CFAP44: variants seen among roughly 807,000 people sequenced by gnomAD.
CFAP44 encodes cilia- and flagella-associated protein 44.
In CFAP44, 134 loss-of-function variants were observed where a neutral mutation model predicts 216.2. The ratio of observed to expected loss-of-function variants is 0.62; its 90% CI spans 0.54 to 0.72. The LOEUF is 0.72. Ranked by LOEUF, CFAP44 falls within the 30% of genes least tolerant of loss-of-function variation. The probability of loss-of-function intolerance (pLI) is 0.00; values close to 1 mark genes in which losing one functional copy is unlikely to be tolerated. For missense variants in CFAP44, 2,035 were observed against 2,182.1 expected, an observed-to-expected ratio of 0.93 and a Z score of 1.34; for synonymous variants, 700 against 727.6, an observed-to-expected ratio of 0.96 and a Z score of 0.61.
intron 21 of CFAP44, chr3:113,362,744 C>T (rs772551484): frequency 7.5e-5 from 26 of 347,430 alleles, no homozygotes; most frequent in Non-Finnish European, 1.2e-4. Context: ...AAGATCAAAT[C>T]GGGATGACGT....
At chr3:113,294,632 A>G in intron 34 of CFAP44, 55 bp downstream of exon 34, 1 of 1,471,776 alleles carries the variant, frequency 6.8e-7, no homozygotes, top group South Asian at 1.4e-5. Context: ...GTGAATAGCT[A>G]CCTTTGACAG....
At chr3:113,311,805 T>C (rs951194652) in intron 28 of CFAP44, among the ~76,000 whole-genome samples, 1 of 152,124 alleles carries the variant, frequency 6.6e-6, no homozygotes, top group Non-Finnish European at 1.5e-5. Flanking sequence ...AAAAGTCTGA[T>C]AGTGATATGG....
intron 5 of CFAP44, chr3:113,417,339 G>C (rs1934676461): frequency 6.6e-6 from 1 of 152,130 alleles, no homozygotes; most frequent in African/African-American, 2.4e-5. Flanking sequence ...CAGTAAGTAT[G>C]CCCTGGATAA....
intron 32 of CFAP44, among the ~76,000 whole-genome samples, chr3:113,299,409 A>G (rs1190333965): frequency 6.6e-6 from 1 of 152,234 alleles, no homozygotes; most frequent in African/African-American, 2.4e-5. Context: ...AAAGACAGAC[A>G]GTAACAAATG....
intron 34 of CFAP44, among the ~76,000 whole-genome samples, chr3:113,292,020 C>T (rs1949834302): frequency 6.6e-6 from 1 of 152,192 alleles, no homozygotes; most frequent in African/African-American, 2.4e-5. Context: ...AAGAGCTCAT[C>T]ACTGGAATAA....
At chr3:113,368,189 T>C (rs1221733646) in intron 18 of CFAP44, among the ~76,000 whole-genome samples, 2 of 152,074 alleles carry the variant, frequency 1.3e-5, no homozygotes, top group Admixed American at 1.3e-4. Flanking sequence ...CAGGAGAACT[T>C]CCCCAACCTA....
intron 28 of CFAP44, 24 bp downstream of exon 28, chr3:113,326,421 C>T (rs371341542): frequency 6.4e-5 from 94 of 1,470,994 alleles, no homozygotes; most frequent in Non-Finnish European, 8.0e-5. Context: ...AAAATAAGAT[C>T]ATATGCAAGA....
chr3:113,291,797 A>C, intron 34 of CFAP44, 49 bp from the exon 35 acceptor site: 1 of 1,527,346 alleles, frequency 6.5e-7, no homozygotes, highest in Admixed American at 2.0e-5. Flanking sequence ...GGCATGTGAA[A>C]AACTCCATGC....
In CFAP44 at chr3:113,338,563, C is replaced by A. The variant is rs551119882; in HGVS notation, c.3437+3181G>T. ...CCTCATACCAGATTTTTTTTTTAAT[C>A]CCCAAATCTCTCTGCTGCTTGCAGA... On this transcript the variant is annotated intron_variant, in intron 24 of 34. Transcript: ENST00000393845. 7.3e-4 allele frequency among the ~76,000 whole-genome samples: 110 copies of A among 151,638 alleles called. 1 individual carries two copies. The highest frequency in any genetic ancestry group is 2.4e-3 in the African/African-American group (100 of 41,356).
chr3:113,373,432 G>T lies in CFAP44; in HGVS notation c.2423C>A (p.Pro808His). Reference protein sequence around the residue: ...VRYLADTEDNPIQTITFNINK... With the variant: ...VRYLADTEDNHIQTITFNINK... ...TCACTTGAAAGTGATAGTTTGGATG[G>T]GATTGTCCTCTGTATCCGCAAGATA... Residue 808 changes from proline to histidine, a missense_variant, in exon 18 of 35, where the codon CCC becomes CAC. Pro to His is a moderately conservative substitution (Grantham distance 77). Around this residue, in one of 3 missense-constraint regions of CFAP44, gnomAD observed 1,883 missense variants for 2,023.7 expected, o/e 0.93. Coordinates refer to ENST00000393845, the MANE Select transcript of CFAP44 (RefSeq NM_001164496.2). 1 of 1,593,512 alleles carries T rather than the reference G, an allele frequency of 6.3e-7. No homozygotes were observed. The highest frequency in any genetic ancestry group is 1.1e-5 in the South Asian group (1 of 87,412).
At chr3:113,415,585 A>G (rs537395648) in intron 6 of CFAP44, among the ~76,000 whole-genome samples, 1 of 152,292 alleles carries the variant, frequency 6.6e-6, no homozygotes, top group African/African-American at 2.4e-5. Flanking sequence ...TTGGTTTCAA[A>G]GAACTTCTTG....
intron 32 of CFAP44, among the ~76,000 whole-genome samples, chr3:113,300,014 G>A (rs1421780810): frequency 6.6e-6 from 1 of 152,240 alleles, no homozygotes; most frequent in Admixed American, 6.5e-5. Flanking sequence ...CTGGAAGACA[G>A]AGTGAGACCC....
At chr3:113,416,894 G>T (rs1934662267) in intron 5 of CFAP44, among the ~76,000 whole-genome samples, 1 of 152,078 alleles carries the variant, frequency 6.6e-6, no homozygotes, top group Admixed American at 6.6e-5. Flanking sequence ...TAGAACAATG[G>T]TTCTCTATCT....
chr3:113,341,757 C>G lies in CFAP44; in HGVS notation c.3424G>C (p.Glu1142Gln), dbSNP rs1950335055. Residue 1142 changes from glutamate to glutamine, a missense_variant, in exon 24 of 35, where the codon GAA becomes CAA. Glu to Gln is a conservative substitution (Grantham distance 29, BLOSUM62 2). Transcript: ENST00000393845. ...AAAAAAACTCACAGTTCCTCCCATT[C>G]TTTTTTTCGCTGTTGAATCTTTAGT... is the stretch of plus-strand genomic sequence containing the variant. ...AQLKIQQRKK[E>Q]WEELYKSKPG... 1 of 1,485,624 alleles carries G rather than the reference C, an allele frequency of 6.7e-7. No homozygotes were observed. Among genetic ancestry groups the G allele is most frequent in the Non-Finnish European group, 8.8e-7 (1 of 1,130,352 alleles). The allele number at this position is 1,485,624 out of a possible 1,614,324, so 92.0% of individuals were successfully genotyped here. A position where few individuals can be genotyped will look rare whatever the true frequency, so the allele number is the denominator to read the frequency against.
chr3:113,355,624 A>G (rs143290581), intron 22 of CFAP44, among the ~76,000 whole-genome samples: 3,816 of 152,274 alleles, frequency 0.025, 59 homozygotes, highest in East Asian at 0.052. Flanking sequence ...AGGACAGAAA[A>G]CCAAACACCA....
chr3:113,392,958 C>T (rs903254437), intron 15 of CFAP44, among the ~76,000 whole-genome samples: 1 of 152,180 alleles, frequency 6.6e-6, no homozygotes, highest in Non-Finnish European at 1.5e-5. Flanking sequence ...AATAGATCCA[C>T]CTGCCCCTGA....
intron 18 of CFAP44, 130 bp downstream of exon 18, chr3:113,373,281 T>C (rs1933231509): frequency 1.2e-6 from 1 of 865,228 alleles, no homozygotes; most frequent in Non-Finnish European, 1.6e-6. Context: ...ATTTGATTTA[T>C]TTAACCAAAT....
chr3:113,385,385 T>C (rs1187787999), intron 15 of CFAP44, among the ~76,000 whole-genome samples: 1 of 152,200 alleles, frequency 6.6e-6, no homozygotes, highest in Non-Finnish European at 1.5e-5. Flanking sequence ...AGTCAGAAGA[T>C]GATAGCAATG....
At chr3:113,426,046 C>T in intron 4 of CFAP44, 78 bp downstream of exon 4, 3 of 1,530,260 alleles carry the variant, frequency 2.0e-6, no homozygotes, top group Middle Eastern at 2.1e-4. Context: ...CATTTGGGCT[C>T]CCTGGGCTAT....
Sources: allele counts gnomAD v4.1 joint callset (sites outside exome capture counted in the v4.1 genomes callset), GRCh38; gene constraint gnomAD v4.1.1; regional missense constraint gnomAD v4.1.1; transcripts MANE v1.5; gene names NCBI Gene and HGNC (gene_info 2026-07-23, HGNC 2026-07-21).